The following CEP112 variants were observed in gnomAD, a reference collection of about 807,000 sequenced individuals.
CEP112 encodes centrosomal protein 112, also known as centrosomal protein of 112 kDa.
Under a neutral mutation model 153.0 loss-of-function variants are expected in CEP112, and 127 were observed. That is an observed-to-expected ratio of 0.83 (90% CI 0.72 to 0.96). CEP112 has a LOEUF of 0.96. Ranked by LOEUF, CEP112 falls within the 40% of genes least tolerant of loss-of-function variation. The probability of loss-of-function intolerance (pLI) is 0.00; values close to 1 mark genes in which losing one functional copy is unlikely to be tolerated. For synonymous variants in CEP112, 358 were observed against 374.4 expected (o/e 0.96, Z 0.51); for missense variants, 1,089 against 1,101.2 (o/e 0.99, Z 0.16).
rs1233817387 is a variant in CEP112 at position 65,635,596 on chromosome 17, C to CA, written c.*374dup. 4.0e-6 allele frequency: 1 copy of CA among 251,280 alleles called. No individual in the cohort carries two copies. Among genetic ancestry groups the CA allele is most frequent in the East Asian group, 8.0e-5 (1 of 12,512 alleles). 15.6% of individuals were successfully genotyped at this position (251,280 alleles called of 1,614,324 possible). A position where few individuals can be genotyped will look rare whatever the true frequency, so the allele number is the denominator to read the frequency against. Reference sequence around the variant, plus strand: ...AACATGAACATGAAAACAATGTAAACAGGTTAGAATTTTTGATATGATACT... The same window carrying CA: ...AACATGAACATGAAAACAATGTAAACAAGGTTAGAATTTTTGATATGATACT... On this transcript the variant is annotated 3_prime_UTR_variant, in exon 27 of 27. Transcript: ENST00000535342.
intron 23 of CEP112, among the ~76,000 whole-genome samples, chr17:65,703,690 TTCA>T (rs1438615498): frequency 5.4e-5 from 8 of 147,778 alleles, no homozygotes; most frequent in Non-Finnish European, 1.0e-4. Flanking sequence ...GGGTCTTATC[TTCA>T]TCATATCTAG....
At chr17:66,189,358 G>C (rs2073074388) in intron 1 of CEP112, among the ~76,000 whole-genome samples, 1 of 151,918 alleles carries the variant, frequency 6.6e-6, no homozygotes, top group African/African-American at 2.4e-5. Context: ...AAAAAAATTA[G>C]CTGGGCAAAG....
chr17:65,898,309 T>C (rs2059726839), intron 20 of CEP112, among the ~76,000 whole-genome samples: 1 of 152,134 alleles, frequency 6.6e-6, no homozygotes. Flanking sequence ...TTCAAGCCCC[T>C]GGATGCAGGC....
At chr17:66,128,742 A>G (rs1189154931) in intron 6 of CEP112, among the ~76,000 whole-genome samples, 1 of 152,192 alleles carries the variant, frequency 6.6e-6, no homozygotes, top group Non-Finnish European at 1.5e-5. Flanking sequence ...ATAGCAGAAC[A>G]CTTAAAAAGT....
rs781750135 is a variant in CEP112, at chr17:65,884,779, G to A, written c.2163+17373C>T. ...GTTGTCCAGGCTGGAGTGCAAGGGC[G>A]CCATCTCAGCTCACCACAACCTCCG... On this transcript the variant is annotated intron_variant, in intron 20 of 26. Transcript: ENST00000535342. 6.5e-4 allele frequency among the ~76,000 whole-genome samples: 95 copies of A among 146,628 alleles called. 1 individual carries two copies. The highest frequency in any genetic ancestry group is 5.1e-3 in the Admixed American group (73 of 14,410).
chr17:65,967,285 G>A (rs918112099), intron 17 of CEP112, among the ~76,000 whole-genome samples: 1 of 152,196 alleles, frequency 6.6e-6, no homozygotes, highest in Non-Finnish European at 1.5e-5. Flanking sequence ...CTCTTAAGAA[G>A]ATATGGATGT....
chr17:66,131,063 TAGAAGG>T (rs1480073777), intron 5 of CEP112, among the ~76,000 whole-genome samples: 5 of 152,212 alleles, frequency 3.3e-5, no homozygotes, highest in Non-Finnish European at 7.3e-5. Context: ...CTCATGCTTT[TAGAAGG>T]CTTAATTGCT....
At chr17:66,167,237 A>G (rs1038019040) in intron 4 of CEP112, among the ~76,000 whole-genome samples, 10 of 152,152 alleles carry the variant, frequency 6.6e-5, no homozygotes, top group African/African-American at 2.4e-4. Flanking sequence ...GTAATTAGGG[A>G]AGCAAAAGCA....
intron 21 of CEP112, among the ~76,000 whole-genome samples, chr17:65,831,939 AC>A (rs2057099119): frequency 1.5e-5 from 1 of 67,342 alleles, no homozygotes. Flanking sequence ...ACATAATTGG[AC>A]AAAAAACAAT....
chr17:65,750,953 G>A, intron 21 of CEP112: 1 of 449,736 alleles, frequency 2.2e-6, no homozygotes, highest in Non-Finnish European at 3.9e-6. Context: ...TAAGACTTCT[G>A]TGGATAGAAA....
At chr17:66,044,461 G>A (rs974528344) in intron 12 of CEP112, among the ~76,000 whole-genome samples, 2 of 152,114 alleles carry the variant, frequency 1.3e-5, no homozygotes, top group African/African-American at 4.8e-5. Context: ...AAAGGCAGAA[G>A]CAACTCAACT....
intron 6 of CEP112, among the ~76,000 whole-genome samples, chr17:66,109,026 C>T (rs1232724726): frequency 6.6e-6 from 1 of 152,122 alleles, no homozygotes; most frequent in African/African-American, 2.4e-5. Context: ...GAAAGACAAA[C>T]TTGACATGTT....
chr17:66,070,437 C>G (rs1177140533), intron 8 of CEP112, among the ~76,000 whole-genome samples: 1 of 151,816 alleles, frequency 6.6e-6, no homozygotes, highest in Non-Finnish European at 1.5e-5. Context: ...TCTAATTAAC[C>G]TACATATGTA....
chr17:66,110,580 CTTATA>C (rs1407539510), intron 6 of CEP112, among the ~76,000 whole-genome samples: 1 of 150,996 alleles, frequency 6.6e-6, no homozygotes, highest in Non-Finnish European at 1.5e-5. Context: ...TGGATTCGAT[CTTATA>C]TTAAAAGCAG....
intron 21 of CEP112, among the ~76,000 whole-genome samples, chr17:65,773,436 T>A (rs1391876858): frequency 6.6e-6 from 1 of 152,204 alleles, no homozygotes; most frequent in Non-Finnish European, 1.5e-5. Context: ...ATACTCATTT[T>A]CTTCTGATTA....
At chr17:66,057,554 G>C (rs1443276) in intron 11 of CEP112, among the ~76,000 whole-genome samples, 62,512 of 151,972 alleles carry the variant, frequency 0.41, 14,330 homozygotes, top group East Asian at 0.87. Context: ...GGGACTTAAG[G>C]TGAGAGACAT....
chr17:65,651,134 T>C (rs958747623), intron 24 of CEP112, among the ~76,000 whole-genome samples: 2 of 152,176 alleles, frequency 1.3e-5, no homozygotes, highest in African/African-American at 4.8e-5. Context: ...GTGTCATTCT[T>C]ATTCCTTTGT....
chr17:65,970,394 A>ACATCATGCATGTAAAT (rs1266471895), intron 17 of CEP112, among the ~76,000 whole-genome samples: 237 of 3,348 alleles, frequency 0.071, 14 homozygotes, highest in African/African-American at 0.19. Flanking sequence ...TATATATTAC[A>ACATCATGCATGTAAAT]TGCATGCACA....
chr17:66,057,250 G>A (rs1237480254), intron 11 of CEP112, among the ~76,000 whole-genome samples: 1 of 152,174 alleles, frequency 6.6e-6, no homozygotes, highest in East Asian at 1.9e-4. Flanking sequence ...GGAAGGAAGA[G>A]TGGTAGATAC....
Sources: allele counts gnomAD v4.1 joint callset (sites outside exome capture counted in the v4.1 genomes callset), GRCh38; gene constraint gnomAD v4.1.1; transcripts MANE v1.5; gene names NCBI Gene and HGNC (gene_info 2026-07-23, HGNC 2026-07-21).